MAD1L1: variants seen among roughly 807,000 people sequenced by gnomAD.
MAD1L1 encodes the protein mitotic arrest deficient 1 like 1.
MAD1L1 carries 95 observed loss-of-function variants against 96.9 expected under a neutral mutation model. That is an observed-to-expected ratio of 0.98 (90% CI 0.83 to 1.16). The LOEUF is 1.16. Among genes scored for constraint, MAD1L1 ranks in the 50% most tolerant of loss-of-function variants. The probability of loss-of-function intolerance (pLI) is 0.00; values close to 1 mark genes in which losing one functional copy is unlikely to be tolerated. For synonymous variants in MAD1L1, 473 were observed against 396.6 expected (o/e 1.19, Z -2.29); for missense variants, 1,007 against 954.4 (o/e 1.06, Z -0.73).
intron 11 of MAD1L1, among the ~76,000 whole-genome samples, chr7:2,137,215 C>G (rs1788795758): frequency 6.6e-6 from 1 of 152,244 alleles, no homozygotes; most frequent in Non-Finnish European, 1.5e-5. Flanking sequence ...TCTCCCTATT[C>G]TCTTCCTGAA....
rs143408019 is a variant in MAD1L1 at position 2,220,536 on chromosome 7, C to T, written c.472-1080G>A. Among the ~76,000 whole-genome samples the T allele has an allele frequency of 3.3e-3, 507 of 152,330 alleles. 3 individuals are homozygous for T. Among genetic ancestry groups the T allele is most frequent in the African/African-American group, 0.012 (479 of 41,576 alleles). On this transcript the variant is annotated intron_variant, in intron 5 of 18. Transcript: ENST00000265854. ...ACGGGCGTGATGTCAGCCCTGGGGA[C>T]CACGCACCCAGGACAGGACAATGGC...
Position 1,945,760 on chromosome 7 carries a change from G to A in MAD1L1, c.1597-8863C>T, listed in dbSNP as rs555157118. Reference sequence around the variant, plus strand: ...GCGGGTAAGGTGGCGGCGCTGGGCCGCAGACCGGGGTTAGGGCTCTGCATG... The same window carrying A: ...GCGGGTAAGGTGGCGGCGCTGGGCCACAGACCGGGGTTAGGGCTCTGCATG... On this transcript the variant is annotated intron_variant, in intron 16 of 18. Coordinates refer to ENST00000265854, the MANE Select transcript of MAD1L1 (RefSeq NM_001013836.2). Among the ~76,000 whole-genome samples the A allele has an allele frequency of 1.4e-4, 21 of 152,336 alleles. No homozygotes were observed. In the South Asian group the frequency reaches 3.1e-3, roughly 23 times the overall value.
chr7:2,112,005 G>A (rs1787407384), intron 11 of MAD1L1, among the ~76,000 whole-genome samples: 1 of 152,192 alleles, frequency 6.6e-6, no homozygotes, highest in Non-Finnish European at 1.5e-5. Context: ...CAATACAGAT[G>A]TCCTTCAACC....
rs985706491 is a variant in MAD1L1 at position 2,080,006 on chromosome 7, G to A, written c.1074-10668C>T. 40 of 307,256 alleles carry A rather than the reference G, an allele frequency of 1.3e-4. 1 individual carries two copies. Among genetic ancestry groups the A allele is most frequent in the Admixed American group, 1.9e-4 (4 of 20,870 alleles). 19.0% of individuals were successfully genotyped at this position (307,256 alleles called of 1,614,324 possible). A position where few individuals can be genotyped will look rare whatever the true frequency, so the allele number is the denominator to read the frequency against. The stretch of plus-strand genomic sequence containing the variant: ...GAGGTCAGAGAGAAGGAGACCATCC[G>A]TGCGTCCGTCAACCCTGTCAGCGCT... On this transcript the variant is annotated intron_variant, in intron 11 of 18. Transcript: ENST00000265854.
chr7:1,913,264 C>G (rs1788135137), intron 17 of MAD1L1, among the ~76,000 whole-genome samples: 1 of 151,412 alleles, frequency 6.6e-6, no homozygotes, highest in Non-Finnish European at 1.5e-5. Context: ...ACACAGGGCT[C>G]TGGAAGGAGA....
intron 5 of MAD1L1, 41 bp from the exon 6 acceptor site, chr7:2,219,497 G>A (rs1170578422): frequency 6.2e-7 from 1 of 1,601,610 alleles, no homozygotes; most frequent in Non-Finnish European, 8.5e-7. Flanking sequence ...AGTGAGTGGA[G>A]CCCGTGCGTG....
intron 12 of MAD1L1, among the ~76,000 whole-genome samples, chr7:2,052,130 G>A (rs937035757): frequency 6.6e-6 from 1 of 152,146 alleles, no homozygotes; most frequent in Non-Finnish European, 1.5e-5. Flanking sequence ...CAGAGAGGAG[G>A]GGCTGGCCTC....
intron 18 of MAD1L1, among the ~76,000 whole-genome samples, chr7:1,843,311 T>G (rs1201256034): frequency 1.3e-5 from 2 of 152,148 alleles, no homozygotes; most frequent in Non-Finnish European, 2.9e-5. Flanking sequence ...CACTCTTCCC[T>G]CCATCTTCCA....
In MAD1L1 at chr7:1,977,167, G is replaced by A. The variant is rs113682046; in HGVS notation, c.1505+3286C>T. ...ACCAGGCGCCGCAGAGCAGGGGGCCGCGCCGTCGGGGAGGCTGGGCTGCGT... is the reference window on the plus strand; with the variant it reads ...ACCAGGCGCCGCAGAGCAGGGGGCCACGCCGTCGGGGAGGCTGGGCTGCGT... On this transcript the variant is annotated intron_variant, in intron 15 of 18. Coordinates refer to ENST00000265854, the MANE Select transcript of MAD1L1 (RefSeq NM_001013836.2). Among the ~76,000 whole-genome samples the A allele has an allele frequency of 2.1e-3, 315 of 152,388 alleles. 4 individuals carry two copies. Among genetic ancestry groups the A allele is most frequent in the African/African-American group, 7.1e-3 (297 of 41,594 alleles).
At chr7:2,073,096 G>A (rs965482363) in intron 11 of MAD1L1, among the ~76,000 whole-genome samples, 4 of 152,150 alleles carry the variant, frequency 2.6e-5, no homozygotes, top group African/African-American at 9.7e-5. Flanking sequence ...ACTCTCTGCA[G>A]CCTAGGCCGC....
intron 14 of MAD1L1, among the ~76,000 whole-genome samples, chr7:1,983,097 C>CACACACACGT (rs1328525657): frequency 1.7e-4 from 26 of 152,200 alleles, no homozygotes; most frequent in African/African-American, 6.3e-4. Flanking sequence ...TGCATGCACA[C>CACACACACGT]ACACACACGT....
At chr7:2,092,285 G>T (rs1017313926) in intron 11 of MAD1L1, among the ~76,000 whole-genome samples, 1 of 152,110 alleles carries the variant, frequency 6.6e-6, no homozygotes, top group Non-Finnish European at 1.5e-5. Context: ...CTGAGACAGG[G>T]TCTCTCTCTG....
chr7:1,950,502 C>T (rs190215167), intron 16 of MAD1L1, among the ~76,000 whole-genome samples: 93 of 152,316 alleles, frequency 6.1e-4, no homozygotes, highest in African/African-American at 2.2e-3. Flanking sequence ...AGGTAATCTG[C>T]GGAGGGCGAC....
At chr7:2,224,222 A>G (rs1308439782) in intron 4 of MAD1L1, among the ~76,000 whole-genome samples, 4 of 152,102 alleles carry the variant, frequency 2.6e-5, no homozygotes, top group Non-Finnish European at 2.9e-5. Flanking sequence ...AGCCACAGCC[A>G]TACCATCAGC....
chr7:1,850,607 C>T (rs1235472544), intron 18 of MAD1L1, among the ~76,000 whole-genome samples: 2 of 152,150 alleles, frequency 1.3e-5, no homozygotes, highest in African/African-American at 2.4e-5. Flanking sequence ...CGGCCTGGGC[C>T]GGAGAAGGCA....
intron 18 of MAD1L1, among the ~76,000 whole-genome samples, chr7:1,857,384 C>T (rs921849469): frequency 7.2e-5 from 11 of 152,082 alleles, no homozygotes; most frequent in South Asian, 2.1e-4. Context: ...GGTCATGCCC[C>T]GGGAGGCAGC....
intron 18 of MAD1L1, among the ~76,000 whole-genome samples, chr7:1,875,043 A>T (rs4719331): frequency 6.6e-6 from 1 of 151,826 alleles, no homozygotes; most frequent in African/African-American, 2.4e-5. Flanking sequence ...AGGTACAATC[A>T]GGACAAGCTC....
intron 15 of MAD1L1, among the ~76,000 whole-genome samples, chr7:1,976,623 G>C (rs930912472): frequency 6.6e-6 from 1 of 152,194 alleles, no homozygotes; most frequent in Non-Finnish European, 1.5e-5. Flanking sequence ...GCGGGTTGCC[G>C]CTGCTAGCTC....
At chr7:1,828,397 G>C (rs1583487782) in intron 18 of MAD1L1, among the ~76,000 whole-genome samples, 2 of 152,194 alleles carry the variant, frequency 1.3e-5, no homozygotes, top group East Asian at 3.9e-4. Flanking sequence ...GTTCGCTGGA[G>C]TGCTCAGTGA....
Sources: allele counts gnomAD v4.1 joint callset (sites outside exome capture counted in the v4.1 genomes callset), GRCh38; gene constraint gnomAD v4.1.1; transcripts MANE v1.5; gene names NCBI Gene and HGNC (gene_info 2026-07-23, HGNC 2026-07-21).